C12orf50: variants seen among roughly 807,000 people sequenced by gnomAD.
C12orf50 encodes the protein zinc finger CCCH-type containing 11D, also known as uncharacterized protein C12orf50.
In C12orf50, 35 loss-of-function variants were observed where a neutral mutation model predicts 61.6. The observed-to-expected ratio is 0.57, with a 90% CI of 0.43 to 0.75. C12orf50 has a LOEUF of 0.75. Among genes scored for constraint, C12orf50 ranks in the 30% least tolerant of loss-of-function variants. The probability of loss-of-function intolerance (pLI) is 0.00; values close to 1 mark genes in which losing one functional copy is unlikely to be tolerated. For synonymous variants in C12orf50, 178 were observed against 161.5 expected, an observed-to-expected ratio of 1.10 and a Z score of -0.77; for missense variants, 475 against 488.5, an observed-to-expected ratio of 0.97 and a Z score of 0.26.
chr12:88,001,652 C>T (rs2031659097), intron 3 of C12orf50, among the ~76,000 whole-genome samples: 1 of 151,152 alleles, frequency 6.6e-6, no homozygotes, highest in African/African-American at 2.4e-5. Flanking sequence ...TTTTCAAATA[C>T]CCAATCAATC....
At chr12:87,986,122 C>T in intron 10 of C12orf50, 69 bp from the exon 11 acceptor site, 2 of 1,499,576 alleles carry the variant, frequency 1.3e-6, no homozygotes. Flanking sequence ...TAACATATTG[C>T]ACTGCAAATA....
rs549090168 is a variant in C12orf50 at position 87,999,933 on chromosome 12, ATATAT to A, written c.134-1748_134-1744del. On this transcript the variant is annotated intron_variant, in intron 3 of 12. Transcript: ENST00000298699. ...AGGAAAAAGTCATTCACAAAAAATA[ATATAT>A]TATATGATTCCATTTATACAAAATA... Among the ~76,000 whole-genome samples the A allele has an allele frequency of 1.8e-3, 271 of 152,268 alleles. 1 individual carries two copies. The highest frequency in any genetic ancestry group is 2.1e-3 in the Non-Finnish European group (140 of 67,996).
Position 88,027,011 on chromosome 12 carries a change from T to C in C12orf50, c.-49A>G, listed in dbSNP as rs772628411. ...CTAAACATTTCCTCTCTCTCCATAA[T>C]GAGCACACAGTGTCACTGCCAAGGG... is the stretch of plus-strand genomic sequence containing the variant. On this transcript the variant is annotated 5_prime_UTR_variant, in exon 2 of 13. Coordinates refer to ENST00000298699, the MANE Select transcript of C12orf50 (RefSeq NM_152589.3). 2 of 1,614,008 alleles carry C rather than the reference T, an allele frequency of 1.2e-6. No homozygotes were observed. The highest frequency in any genetic ancestry group is 1.3e-5 in the African/African-American group (1 of 75,058).
At chr12:87,982,907 G>A (rs1424545431) in intron 12 of C12orf50, among the ~76,000 whole-genome samples, 196 bp downstream of exon 12, 1 of 151,934 alleles carries the variant, frequency 6.6e-6, no homozygotes, top group Non-Finnish European at 1.5e-5. Context: ...ATAAAAATAG[G>A]CAAAGAGGAA....
intron 3 of C12orf50, among the ~76,000 whole-genome samples, chr12:88,025,290 G>A (rs1475970107): frequency 6.6e-6 from 1 of 152,074 alleles, no homozygotes; most frequent in Non-Finnish European, 1.5e-5. Context: ...GTAAGAGCAG[G>A]GAAGAAGTTA....
chr12:87,987,652 A>G (rs1177712177), intron 9 of C12orf50, among the ~76,000 whole-genome samples, 198 bp downstream of exon 9: 1 of 152,222 alleles, frequency 6.6e-6, no homozygotes, highest in East Asian at 1.9e-4. Context: ...GTGGGAGAGC[A>G]TATAATTTAC....
chr12:87,992,027 TG>T (rs1237311659), intron 7 of C12orf50, among the ~76,000 whole-genome samples: 1 of 152,096 alleles, frequency 6.6e-6, no homozygotes, highest in African/African-American at 2.4e-5. Flanking sequence ...CATACAGAGA[TG>T]ATCAGAGAAT....
At chr12:88,006,559 A>G (rs147350328) in intron 3 of C12orf50, among the ~76,000 whole-genome samples, 3 of 152,302 alleles carry the variant, frequency 2.0e-5, no homozygotes, top group African/African-American at 7.2e-5. Flanking sequence ...TCTGGTGTTT[A>G]CAACTTGTGC....
At position 87,985,933 on chromosome 12, in the gene C12orf50, T is replaced by C; in HGVS notation, c.1043A>G (p.Asn348Ser). 1 of 1,613,886 alleles carries C rather than the reference T, an allele frequency of 6.2e-7. No individual in the cohort carries two copies. The highest frequency in any genetic ancestry group is 1.7e-5 in the Admixed American group (1 of 59,982). Residue 348 changes from asparagine (N) to serine (S), a missense_variant, in exon 11 of 13, where the codon AAT becomes AGT. By Grantham distance (46) the Asn-to-Ser change is conservative (BLOSUM62 1). Transcript: ENST00000298699. ...QRDAVRTVAL[N>S]APSRSRPTHG... ...CGTGGGCCTGCTGCGGGAAGGTGCA[T>C]TCAACGCGACAGTCCTGACAGCATC...
chr12:87,983,217 T>A, intron 11 of C12orf50, 22 bp from the exon 12 acceptor site: 1 of 1,468,448 alleles, frequency 6.8e-7, no homozygotes. Flanking sequence ...AAATCCAGAA[T>A]TAAATATTTT....
chr12:87,983,401 TA>T (rs1231832573), intron 11 of C12orf50: 3 of 330,894 alleles, frequency 9.1e-6, no homozygotes, highest in Admixed American at 4.7e-5. Context: ...TTTTTTTTAT[TA>T]TTATTATACT....
intron 2 of C12orf50, 150 bp from the exon 3 acceptor site, chr12:88,026,758 GC>G: frequency 1.5e-6 from 2 of 1,324,654 alleles, no homozygotes. Flanking sequence ...GTGTTTCTAA[GC>G]CCTGCTATTC....
chr12:87,983,420 T>A (rs1027162624), intron 11 of C12orf50: 24 of 272,964 alleles, frequency 8.8e-5, no homozygotes, highest in Non-Finnish European at 2.1e-5. Flanking sequence ...ACTTTAAGTT[T>A]TAGGGTACAT....
At chr12:88,019,955 A>G (rs2032455212) in intron 3 of C12orf50, among the ~76,000 whole-genome samples, 1 of 152,228 alleles carries the variant, frequency 6.6e-6, no homozygotes, top group African/African-American at 2.4e-5. Flanking sequence ...GCATAAGTGA[A>G]GGATAAATAA....
chr12:88,021,830 T>C (rs1047804389), intron 3 of C12orf50, among the ~76,000 whole-genome samples: 4 of 152,052 alleles, frequency 2.6e-5, no homozygotes, highest in Admixed American at 6.6e-5. Flanking sequence ...TACTGAGTTC[T>C]ATAACTGTAT....
chr12:88,013,726 A>T (rs1228289280), intron 3 of C12orf50, among the ~76,000 whole-genome samples: 1 of 152,272 alleles, frequency 6.6e-6, no homozygotes, highest in Non-Finnish European at 1.5e-5. Context: ...GCTGGTGTTC[A>T]CTGAACTATT....
chr12:88,022,219 C>CAT (rs1482417173), intron 3 of C12orf50, among the ~76,000 whole-genome samples: 1 of 151,404 alleles, frequency 6.6e-6, no homozygotes, highest in Non-Finnish European at 1.5e-5. Context: ...TGACTGACTA[C>CAT]ATAAACAGAA....
chr12:87,984,432 A>G (rs964987782), intron 11 of C12orf50: 2 of 152,148 alleles, frequency 1.3e-5, no homozygotes, highest in African/African-American at 4.8e-5. Context: ...AGTTTTGCAT[A>G]AATTCTGCTA....
chr12:88,028,389 G>C (rs933319514), intron 1 of C12orf50, among the ~76,000 whole-genome samples: 1 of 152,072 alleles, frequency 6.6e-6, no homozygotes, highest in African/African-American at 2.4e-5. Flanking sequence ...TTTTTCACTG[G>C]ATTATTTCTT....
Sources: allele counts gnomAD v4.1 joint callset (sites outside exome capture counted in the v4.1 genomes callset), GRCh38; gene constraint gnomAD v4.1.1; transcripts MANE v1.5; gene names NCBI Gene and HGNC (gene_info 2026-07-23, HGNC 2026-07-21).